Variants in BTBD9 observed in about 807,000 individuals in gnomAD.
The protein encoded by BTBD9 is BTB/POZ domain-containing protein 9.
In BTBD9, 49 loss-of-function variants were observed where a neutral mutation model predicts 64.3. That is an observed-to-expected ratio of 0.76 (90% CI 0.61 to 0.97). The LOEUF (loss-of-function observed/expected upper bound fraction) is 0.97. Ranked by LOEUF, BTBD9 falls within the 50% of genes least tolerant of loss-of-function variation. The probability of loss-of-function intolerance (pLI) is 0.00; values close to 1 mark genes in which losing one functional copy is unlikely to be tolerated. For synonymous variants in BTBD9, 260 were observed against 274.7 expected, an observed-to-expected ratio of 0.95 and a Z score of 0.53; for missense variants, 598 against 762.1, an observed-to-expected ratio of 0.78 and a Z score of 2.53.
intron 1 of BTBD9, among the ~76,000 whole-genome samples, chr6:38,624,175 C>T (rs901207866): frequency 3.3e-5 from 5 of 152,170 alleles, no homozygotes; most frequent in Non-Finnish European, 7.3e-5. Context: ...CGCAAATTAG[C>T]AGGATTCTAA....
At chr6:38,594,965 A>G (rs1407740557) in intron 2 of BTBD9, among the ~76,000 whole-genome samples, 1 of 152,204 alleles carries the variant, frequency 6.6e-6, no homozygotes, top group Non-Finnish European at 1.5e-5. Context: ...AACATACTGA[A>G]ACACTAGTAA....
At chr6:38,198,747 A>C (rs1762354782) in intron 9 of BTBD9, among the ~76,000 whole-genome samples, 1 of 152,254 alleles carries the variant, frequency 6.6e-6, no homozygotes, top group African/African-American at 2.4e-5. Context: ...CACAGAATGC[A>C]TTCTTTCCAC....
rs549179546 is a variant in BTBD9 at position 38,376,778 on chromosome 6, T to G, written c.1155-31685A>C. ...CTAAATACTCTGGGTACTCAAGAAC[T>G]CTGTGTGCTTATTATGTTATATTTG... On this transcript the variant is annotated intron_variant, in intron 6 of 10. Transcript: ENST00000481247. Among the ~76,000 whole-genome samples the G allele has an allele frequency of 7.5e-4, 115 of 152,318 alleles. 1 individual carries two copies. The highest frequency in any genetic ancestry group is 1.1e-3 in the Non-Finnish European group (77 of 68,024).
intron 7 of BTBD9, among the ~76,000 whole-genome samples, chr6:38,316,435 C>T (rs1421340019): frequency 6.6e-6 from 1 of 152,008 alleles, no homozygotes; most frequent in African/African-American, 2.4e-5. Context: ...GTTTTAATTT[C>T]TTGCTCTTTA....
chr6:38,545,519 C>T (rs1277786233), intron 6 of BTBD9, among the ~76,000 whole-genome samples: 1 of 152,112 alleles, frequency 6.6e-6, no homozygotes, highest in Non-Finnish European at 1.5e-5. Context: ...ATGGCTCATG[C>T]CTGTAATCCC....
intron 10 of BTBD9, among the ~76,000 whole-genome samples, chr6:38,186,495 A>C (rs1418873751): frequency 6.6e-6 from 1 of 152,218 alleles, no homozygotes; most frequent in African/African-American, 2.4e-5. Flanking sequence ...CGGCCTCTTG[A>C]TAATGAAAAG....
In BTBD9 at chr6:38,615,018, G is replaced by A. The variant is rs189413235; in HGVS notation, c.-27-16897C>T. Among the ~76,000 whole-genome samples, 7 of 152,312 alleles carry A rather than the reference G, an allele frequency of 4.6e-5. No homozygotes were observed. In the East Asian group the frequency reaches 1.4e-3, roughly 29 times the overall value. On this transcript the variant is annotated intron_variant, in intron 1 of 10. Coordinates refer to ENST00000481247, the MANE Select transcript of BTBD9 (RefSeq NM_001099272.2). ...AAAAACGTTTAACTGGGCCTTCAAG[G>A]CCTGTGGAATCTGGGCCCTGCCTAA...
At chr6:38,351,779 A>G (rs562212655) in intron 6 of BTBD9, among the ~76,000 whole-genome samples, 10 of 152,186 alleles carry the variant, frequency 6.6e-5, no homozygotes, top group African/African-American at 2.2e-4. Flanking sequence ...GATTACAGGC[A>G]TGAGCCACCG....
intron 6 of BTBD9, among the ~76,000 whole-genome samples, chr6:38,471,151 T>G (rs1770632311): frequency 6.6e-6 from 1 of 152,062 alleles, no homozygotes; most frequent in African/African-American, 2.4e-5. Context: ...AAATAAGTTG[T>G]AAGGTATTCC....
At chr6:38,266,646 G>T in intron 8 of BTBD9, among the ~76,000 whole-genome samples, 1 of 119,778 alleles carries the variant, frequency 8.3e-6, no homozygotes, top group South Asian at 2.5e-4. Flanking sequence ...AAGAAAGAAA[G>T]AAAGAAAGAA....
intron 8 of BTBD9, among the ~76,000 whole-genome samples, chr6:38,257,046 A>T (rs1195100330): frequency 6.9e-6 from 1 of 144,284 alleles, no homozygotes; most frequent in Non-Finnish European, 1.5e-5. Context: ...AGTAGCTGGG[A>T]CTATAGTTGC....
intron 6 of BTBD9, chr6:38,566,001 C>T (rs911552421): frequency 6.6e-6 from 1 of 151,930 alleles, no homozygotes; most frequent in East Asian, 1.9e-4. Flanking sequence ...AGTTACAGAT[C>T]GAAATCCTTA....
Position 38,598,042 on chromosome 6 carries a change from T to G in BTBD9, c.53A>C (p.His18Pro), listed in dbSNP as rs766352654. 1 of 1,613,960 alleles carries G rather than the reference T, an allele frequency of 6.2e-7. No individual in the cohort carries two copies. The highest frequency in any genetic ancestry group is 8.5e-7 in the Non-Finnish European group (1 of 1,179,870). The change falls in exon 2 of 11, where the codon CAT (histidine) becomes CCT (proline). Residue 18 changes from histidine (H) to proline (P), a missense_variant. By Grantham distance (77) the His-to-Pro change is moderately conservative. Coordinates refer to ENST00000481247, the MANE Select transcript of BTBD9 (RefSeq NM_001099272.2). ...AATATGTTCAGACAAAATGTGCACA[T>G]GATCAATTTCCCCCACTGCAGTAAA... ...RPFTAVGEID[H>P]VHILSEHIGA...
intron 6 of BTBD9, among the ~76,000 whole-genome samples, chr6:38,549,208 T>C (rs911496915): frequency 6.6e-6 from 1 of 152,232 alleles, no homozygotes; most frequent in East Asian, 1.9e-4. Flanking sequence ...GCTGGTAAGA[T>C]AAAACATGAT....
chr6:38,632,545 G>A (rs936750765), intron 1 of BTBD9, among the ~76,000 whole-genome samples: 5 of 152,212 alleles, frequency 3.3e-5, no homozygotes, highest in Admixed American at 2.0e-4. Flanking sequence ...TTTTAAAAGA[G>A]TTGACTTTAC....
chr6:38,529,028 A>G (rs1265781287), intron 6 of BTBD9, among the ~76,000 whole-genome samples: 1 of 152,130 alleles, frequency 6.6e-6, no homozygotes, highest in Non-Finnish European at 1.5e-5. Flanking sequence ...GCAATTCTGG[A>G]CCTGTCCTGG....
At chr6:38,199,437 T>C (rs1452481861) in intron 9 of BTBD9, among the ~76,000 whole-genome samples, 1 of 152,114 alleles carries the variant, frequency 6.6e-6, no homozygotes, top group Admixed American at 6.5e-5. Context: ...ATCAAGTCCT[T>C]ACTATGGAAT....
intron 9 of BTBD9, among the ~76,000 whole-genome samples, chr6:38,249,855 C>A (rs1295997678): frequency 1.3e-5 from 2 of 151,920 alleles, no homozygotes; most frequent in African/African-American, 4.8e-5. Flanking sequence ...TTAGAAGCTT[C>A]ACATTCCAAA....
At chr6:38,384,758 G>A (rs776150743) in intron 6 of BTBD9, among the ~76,000 whole-genome samples, 2 of 152,100 alleles carry the variant, frequency 1.3e-5, no homozygotes, top group Non-Finnish European at 2.9e-5. Flanking sequence ...CAGGGTAAAA[G>A]GCCTCTAGGG....
Sources: allele counts gnomAD v4.1 joint callset (sites outside exome capture counted in the v4.1 genomes callset), GRCh38; gene constraint gnomAD v4.1.1; transcripts MANE v1.5; gene names NCBI Gene and HGNC (gene_info 2026-07-23, HGNC 2026-07-21).